Variants in POLA1 observed in about 807,000 individuals in gnomAD.
POLA1 encodes the protein DNA polymerase alpha 1, catalytic subunit.
POLA1 carries 15 observed loss-of-function variants against 124.0 expected under a neutral mutation model. The ratio of observed to expected loss-of-function variants is 0.12; its 90% CI spans 0.08 to 0.19. POLA1 has a LOEUF of 0.19. POLA1 is among the 10% of genes least tolerant of loss of function. The pLI is 1.00. For missense variants in POLA1, 886 were observed against 1,103.4 expected, an observed-to-expected ratio of 0.80 and a Z score of 2.79; for synonymous variants, 408 against 389.4, an observed-to-expected ratio of 1.05 and a Z score of -0.56.
At position 24,745,410 on chromosome X, in the gene POLA1, A is replaced by G. The variant is rs1022924925; in HGVS notation, c.2567-8A>G. On this transcript the variant is annotated splice_region_variant and splice_polypyrimidine_tract_variant and intron_variant, in intron 23 of 36. Coordinates refer to ENST00000379068, the MANE Select transcript of POLA1 (RefSeq NM_001330360.2). Reference sequence around the variant, plus strand: ...TAGACTTTTTATGACGTGGCTTTTTAATTTCAGGTTTTTATGATAAGTTCA... The same window carrying G: ...TAGACTTTTTATGACGTGGCTTTTTGATTTCAGGTTTTTATGATAAGTTCA... 1 of 1,145,750 alleles carries G rather than the reference A, an allele frequency of 8.7e-7. No homozygotes were observed. The allele number at this position is 1,145,750 out of a possible 1,213,427, so 94.4% of individuals were successfully genotyped here. A position where few individuals can be genotyped will look rare whatever the true frequency, so the allele number is the denominator to read the frequency against.
intron 26 of POLA1, among the ~76,000 whole-genome samples, chrX:24,792,520 G>A (rs1256199815): frequency 1.8e-5 from 2 of 112,325 alleles, no homozygotes; most frequent in Non-Finnish European, 3.8e-5. Context: ...TAACAGTGAG[G>A]CTTTTATTTT....
intron 36 of POLA1, among the ~76,000 whole-genome samples, chrX:24,987,984 C>T (rs1234314631): frequency 9.0e-6 from 1 of 111,251 alleles, no homozygotes; most frequent in Non-Finnish European, 1.9e-5. Flanking sequence ...CAAAACTGTC[C>T]CTAACACCAC....
intron 6 of POLA1, 151 bp downstream of exon 6, chrX:24,715,354 C>T (rs774984412): frequency 8.5e-6 from 3 of 353,943 alleles, no homozygotes; most frequent in Non-Finnish European, 1.4e-5. Flanking sequence ...TGCAGTGGTG[C>T]GATCTTGGCT....
At chrX:24,936,442 C>G (rs2047849483) in intron 36 of POLA1, among the ~76,000 whole-genome samples, 1 of 112,141 alleles carries the variant, frequency 8.9e-6, no homozygotes. Context: ...AAATCCTTAA[C>G]AAAATATTAA....
intron 26 of POLA1, among the ~76,000 whole-genome samples, chrX:24,781,450 G>C (rs1193261023): frequency 8.9e-6 from 1 of 111,801 alleles, no homozygotes; most frequent in Non-Finnish European, 1.9e-5. Context: ...TTGCTGCAGT[G>C]AAAGTGTGGA....
intron 36 of POLA1, among the ~76,000 whole-genome samples, chrX:24,949,898 C>G (rs1477684778): frequency 9.1e-6 from 1 of 109,575 alleles, no homozygotes; most frequent in Non-Finnish European, 1.9e-5. Flanking sequence ...CCACACCCAG[C>G]TAATTTTGTA....
chrX:24,778,343 G>A (rs1383055143), intron 26 of POLA1, among the ~76,000 whole-genome samples: 3 of 111,158 alleles, frequency 2.7e-5, no homozygotes, highest in Non-Finnish European at 5.7e-5. Flanking sequence ...CGATTCTTCT[G>A]CCTCAGCCTC....
chrX:24,982,690 C>A (rs1460960023), intron 36 of POLA1, among the ~76,000 whole-genome samples: 3 of 110,446 alleles, frequency 2.7e-5, no homozygotes, highest in African/African-American at 3.3e-5. Flanking sequence ...GTTCACTGTT[C>A]TACTTTTTTT....
At chrX:24,783,902 T>C (rs1569308643) in intron 26 of POLA1, among the ~76,000 whole-genome samples, 1 of 111,311 alleles carries the variant, frequency 9.0e-6, no homozygotes, top group Admixed American at 9.6e-5. Context: ...ATTATGTGGC[T>C]AGTGACTACA....
chrX:24,840,864 A>G (rs2046400132), intron 32 of POLA1, among the ~76,000 whole-genome samples: 2 of 112,064 alleles, frequency 1.8e-5, no homozygotes, highest in Non-Finnish European at 3.8e-5. Flanking sequence ...CAAATAGTAA[A>G]TTTTGGCACA....
chrX:24,732,056 G>A (rs1031511880), intron 15 of POLA1, among the ~76,000 whole-genome samples: 57 of 111,932 alleles, frequency 5.1e-4, no homozygotes, highest in Non-Finnish European at 3.0e-4. Context: ...TTGGGTTCAA[G>A]TGATTCTCCT....
At chrX:24,869,695 G>A (rs144795898) in intron 34 of POLA1, among the ~76,000 whole-genome samples, 15 of 111,992 alleles carry the variant, frequency 1.3e-4, no homozygotes, top group African/African-American at 4.5e-4. Context: ...TTGAATGATA[G>A]CATCTCAGAG....
At chrX:24,968,311 T>A (rs2048249554) in intron 36 of POLA1, among the ~76,000 whole-genome samples, 1 of 111,809 alleles carries the variant, frequency 8.9e-6, no homozygotes, top group Admixed American at 9.6e-5. Flanking sequence ...GCATCTGTTC[T>A]AAACAAACTG....
intron 26 of POLA1, among the ~76,000 whole-genome samples, chrX:24,789,573 G>A (rs2045452165): frequency 9.0e-6 from 1 of 110,894 alleles, no homozygotes; most frequent in South Asian, 3.9e-4. Flanking sequence ...CCGTTAGGTC[G>A]GGTGATATGT....
At chrX:24,748,023 C>G (rs5944674) in intron 24 of POLA1, among the ~76,000 whole-genome samples, 2 of 110,886 alleles carry the variant, frequency 1.8e-5, no homozygotes, top group Admixed American at 9.5e-5. Context: ...TGTGAGCCAC[C>G]GTGCCCGGCC....
At chrX:24,746,767 T>C (rs1439048832) in intron 24 of POLA1, among the ~76,000 whole-genome samples, 1 of 112,513 alleles carries the variant, frequency 8.9e-6, no homozygotes, top group Non-Finnish European at 1.9e-5. Context: ...CCTATTACTA[T>C]TGTAACAGTG....
chrX:24,940,005 G>A (rs1450211476), intron 36 of POLA1, among the ~76,000 whole-genome samples: 1 of 111,532 alleles, frequency 9.0e-6, no homozygotes, highest in Non-Finnish European at 1.9e-5. Context: ...TCAGTTTTCT[G>A]TTTCTTCAGT....
intron 36 of POLA1, among the ~76,000 whole-genome samples, chrX:24,964,932 G>A (rs765262871): frequency 8.9e-5 from 10 of 112,143 alleles, no homozygotes; most frequent in Non-Finnish European, 1.7e-4. Context: ...AAACCTTTCT[G>A]CTGCTAAATC....
chrX:24,908,417 T>C (rs189170606), intron 35 of POLA1, among the ~76,000 whole-genome samples: 13 of 77,127 alleles, frequency 1.7e-4, no homozygotes, highest in African/African-American at 6.2e-4. Context: ...GGCCCTGGTG[T>C]GTGATGTTCC....
Sources: gnomAD v4.1 joint callset for allele counts (sites outside exome capture counted in the v4.1 genomes callset) on GRCh38, gnomAD v4.1.1 for gene constraint, MANE v1.5 for transcripts, NCBI Gene and HGNC (gene_info 2026-07-23, HGNC 2026-07-21) for gene names.